The following RBFOX2 variants were observed in gnomAD, a reference collection of about 807,000 sequenced individuals.
RBFOX2 encodes RNA binding fox-1 homolog 2, also known as RNA binding protein fox-1 homolog 2.
RBFOX2 carries 10 observed loss-of-function variants against 49.1 expected under a neutral mutation model. That is an observed-to-expected ratio of 0.20 (90% CI 0.13 to 0.35). RBFOX2 has a LOEUF of 0.35. RBFOX2 is among the 10% of genes least tolerant of loss of function. The probability of loss-of-function intolerance (pLI) is 1.00; values close to 1 mark genes in which losing one functional copy is unlikely to be tolerated. For synonymous variants in RBFOX2, 183 were observed against 187.4 expected (o/e 0.98, Z 0.19); for missense variants, 323 against 486.9 (o/e 0.66, Z 3.17).
chr22:35,768,496 A>G, intron 4 of RBFOX2, 147 bp from the exon 6 acceptor site: 2 of 629,650 alleles, frequency 3.2e-6, no homozygotes, highest in East Asian at 2.8e-5. Context: ...TTTTTGGTCC[A>G]TGCATATTTG....
chr22:35,815,672 T>C (rs1030517155), intron 1 of RBFOX2, among the ~76,000 whole-genome samples: 1 of 152,186 alleles, frequency 6.6e-6, no homozygotes, highest in Non-Finnish European at 1.5e-5. Flanking sequence ...ATTCACACCA[T>C]CATAAAAGAA....
intron 1 of RBFOX2, among the ~76,000 whole-genome samples, chr22:36,021,944 C>T (rs1414737279): frequency 6.6e-6 from 1 of 152,136 alleles, no homozygotes; most frequent in African/African-American, 2.4e-5. Flanking sequence ...CTCCTAGGGG[C>T]CACCTAAAAC....
chr22:35,975,640 T>A (rs2057108803), intron 1 of RBFOX2, among the ~76,000 whole-genome samples: 1 of 152,150 alleles, frequency 6.6e-6, no homozygotes, highest in Non-Finnish European at 1.5e-5. Flanking sequence ...CAAAGCTAAT[T>A]GTAACAAGCA....
chr22:36,019,164 A>C (rs548474780), intron 1 of RBFOX2, among the ~76,000 whole-genome samples: 16 of 152,244 alleles, frequency 1.1e-4, no homozygotes, highest in Admixed American at 9.2e-4. Flanking sequence ...CCACCCTCCC[A>C]ACAGAGATCC....
intron 1 of RBFOX2, chr22:35,998,041 A>C (rs1018024812): frequency 1.3e-5 from 2 of 152,184 alleles, no homozygotes; most frequent in Non-Finnish European, 2.9e-5. Context: ...AAAAGATGTA[A>C]AAGTCAGAAA....
At chr22:35,917,442 T>A (rs1297409330) in intron 1 of RBFOX2, among the ~76,000 whole-genome samples, 1 of 152,162 alleles carries the variant, frequency 6.6e-6, no homozygotes, top group African/African-American at 2.4e-5. Flanking sequence ...AAATGCACAG[T>A]GAGAGAAGGA....
chr22:35,994,245 T>A (rs1037153482), intron 1 of RBFOX2: 2 of 151,998 alleles, frequency 1.3e-5, no homozygotes, highest in Non-Finnish European at 2.9e-5. Context: ...AGTTAAAATA[T>A]TAGCATTTCA....
intron 1 of RBFOX2, among the ~76,000 whole-genome samples, chr22:35,933,896 C>T (rs899187516): frequency 4.9e-5 from 7 of 141,524 alleles, no homozygotes; most frequent in African/African-American, 1.9e-4. Flanking sequence ...TTATAGAAGT[C>T]GTAAGTTCTT....
intron 2 of RBFOX2, among the ~76,000 whole-genome samples, 192 bp downstream of exon 3, chr22:35,809,588 C>G (rs927604498): frequency 6.6e-5 from 10 of 151,744 alleles, no homozygotes; most frequent in Admixed American, 2.0e-4. Context: ...TGGGAGAGCT[C>G]GAAAAGCCAA....
exon 1 of RBFOX2, chr22:36,028,400 T>C: frequency 8.0e-7 from 1 of 1,256,934 alleles, no homozygotes; most frequent in East Asian, 3.2e-5. Context: ...CTGAGGCGGC[T>C]GATGCGGCTG....
At chr22:35,773,723 C>T (rs1008729052) in intron 4 of RBFOX2, among the ~76,000 whole-genome samples, 2 of 151,950 alleles carry the variant, frequency 1.3e-5, no homozygotes, top group African/African-American at 4.8e-5. Flanking sequence ...AGAGGATATA[C>T]CAAAGTATTT....
chr22:35,930,017 C>CT (rs58976136), intron 1 of RBFOX2, among the ~76,000 whole-genome samples: 1,979 of 121,310 alleles, frequency 0.016, 30 homozygotes, highest in Non-Finnish European at 0.019. Context: ...CTTAATAGAA[C>CT]TTTTTTTTTT....
At chr22:35,954,172 G>C (rs959800827) in intron 1 of RBFOX2, among the ~76,000 whole-genome samples, 2 of 151,890 alleles carry the variant, frequency 1.3e-5, no homozygotes, top group Non-Finnish European at 2.9e-5. Context: ...ATGTCTTTGT[G>C]GGGGGAGGAG....
At chr22:35,897,445 T>A in intron 1 of RBFOX2, 1 of 846,366 alleles carries the variant, frequency 1.2e-6, no homozygotes, top group East Asian at 2.4e-5. Context: ...CGCTCCACTT[T>A]ATCCCTTGTT....
At position 35,807,544 on chromosome 22, in the gene RBFOX2, G is replaced by A. The variant is rs1482708125; in HGVS notation, c.252+2236C>T. Among the ~76,000 whole-genome samples the A allele has an allele frequency of 4.7e-5, 7 of 149,718 alleles. No homozygotes were observed. In the East Asian group the frequency reaches 1.2e-3, roughly 25 times the overall value. On this transcript the variant is annotated intron_variant, in intron 2 of 11. Transcript: ENST00000405409. ...ACAGGAAAAATTTTTAAAATGTCTCGAACGAAAAAAAAATAAAAACAATAT... is the reference window on the plus strand; with the variant it reads ...ACAGGAAAAATTTTTAAAATGTCTCAAACGAAAAAAAAATAAAAACAATAT...
intron 1 of RBFOX2, among the ~76,000 whole-genome samples, chr22:35,967,224 T>A (rs2056613060): frequency 6.6e-6 from 1 of 152,176 alleles, no homozygotes; most frequent in South Asian, 2.1e-4. Flanking sequence ...TATATCCAGT[T>A]CAAGTAAAGA....
intron 1 of RBFOX2, among the ~76,000 whole-genome samples, chr22:36,001,045 A>G (rs1049771004): frequency 3.3e-5 from 5 of 152,180 alleles, no homozygotes; most frequent in Non-Finnish European, 7.4e-5. Context: ...TTTTCCCATT[A>G]AAGTACTAAA....
chr22:35,974,942 A>T (rs550408482), intron 1 of RBFOX2, among the ~76,000 whole-genome samples: 1 of 152,268 alleles, frequency 6.6e-6, no homozygotes, highest in East Asian at 1.9e-4. Flanking sequence ...TACTAAAGTA[A>T]ATTTCATCCT....
intron 1 of RBFOX2, among the ~76,000 whole-genome samples, chr22:35,902,123 T>A (rs1603443966): frequency 6.6e-6 from 1 of 151,956 alleles, no homozygotes; most frequent in East Asian, 1.9e-4. Context: ...AAAAGACCCA[T>A]CTTTCCTTAT....
Sources: gnomAD v4.1 joint callset for allele counts (sites outside exome capture counted in the v4.1 genomes callset) on GRCh38, gnomAD v4.1.1 for gene constraint, MANE v1.5 for transcripts, NCBI Gene and HGNC (gene_info 2026-07-23, HGNC 2026-07-21) for gene names.